Variants in TMEM132C observed in about 807,000 individuals in gnomAD.
The protein encoded by TMEM132C is protein phosphatase 1, regulatory subunit 152.
Under a neutral mutation model 61.4 loss-of-function variants are expected in TMEM132C, and 29 were observed. That is an observed-to-expected ratio of 0.47 (90% CI 0.35 to 0.64). The LOEUF (loss-of-function observed/expected upper bound fraction) is 0.64, where lower values mean the gene tolerates loss of function less well. Ranked by LOEUF, TMEM132C falls within the 30% of genes least tolerant of loss-of-function variation. The probability of loss-of-function intolerance (pLI) is 0.00; values close to 1 mark genes in which losing one functional copy is unlikely to be tolerated. For missense variants in TMEM132C, 1,408 were observed against 1,476.9 expected (o/e 0.95, Z 0.76); for synonymous variants, 656 against 633.1 (o/e 1.04, Z -0.54).
intron 4 of TMEM132C, among the ~76,000 whole-genome samples, chr12:128,668,680 G>A (rs1954501588): frequency 6.6e-6 from 1 of 152,166 alleles, no homozygotes; most frequent in Non-Finnish European, 1.5e-5. Flanking sequence ...AGTCTGAAGT[G>A]AGTCTTAAGG....
At chr12:128,598,040 C>T (rs1351857931) in intron 3 of TMEM132C, among the ~76,000 whole-genome samples, 1 of 152,192 alleles carries the variant, frequency 6.6e-6, no homozygotes, top group Non-Finnish European at 1.5e-5. Context: ...AGCACGTCCT[C>T]CTAACGTGAC....
At chr12:128,703,130 AT>A (rs1409568658) in intron 8 of TMEM132C, among the ~76,000 whole-genome samples, 1 of 151,986 alleles carries the variant, frequency 6.6e-6, no homozygotes, top group African/African-American at 2.4e-5. Context: ...GACTGGACAT[AT>A]TTCTTTTTTT....
chr12:128,413,009 A>G (rs1593044224), intron 1 of TMEM132C, among the ~76,000 whole-genome samples: 1 of 152,258 alleles, frequency 6.6e-6, no homozygotes, highest in South Asian at 2.1e-4. Flanking sequence ...ATTTAAAACC[A>G]ATGTTGAGGC....
At chr12:128,325,054 A>G (rs1003893569) in intron 1 of TMEM132C, among the ~76,000 whole-genome samples, 4 of 152,140 alleles carry the variant, frequency 2.6e-5, no homozygotes, top group African/African-American at 9.7e-5. Context: ...CCTGAGCTAG[A>G]GGGGAGGAGA....
At chr12:128,306,847 T>C (rs572603438) in intron 1 of TMEM132C, among the ~76,000 whole-genome samples, 54 of 152,306 alleles carry the variant, frequency 3.5e-4, no homozygotes, top group African/African-American at 1.2e-3. Context: ...TTTTGTCCTC[T>C]CGTTGGCATG....
intron 1 of TMEM132C, among the ~76,000 whole-genome samples, chr12:128,311,403 T>C (rs1871958665): frequency 6.6e-6 from 1 of 152,198 alleles, no homozygotes; most frequent in South Asian, 2.1e-4. Context: ...CTTTTTCTCG[T>C]TGAGTGTACG....
chr12:128,504,302 C>T (rs1872279771), intron 2 of TMEM132C, among the ~76,000 whole-genome samples: 2 of 152,140 alleles, frequency 1.3e-5, no homozygotes, highest in Non-Finnish European at 2.9e-5. Flanking sequence ...CAAAAGAGTC[C>T]CAGAATCCCA....
At chr12:128,379,548 C>T (rs7979791) in intron 1 of TMEM132C, among the ~76,000 whole-genome samples, 23,081 of 152,158 alleles carry the variant, frequency 0.15, 2,155 homozygotes, top group East Asian at 0.4. Flanking sequence ...TTCCTTGCCT[C>T]TCCCATCTTC....
At chr12:128,641,653 C>A (rs1954158609) in intron 4 of TMEM132C, among the ~76,000 whole-genome samples, 1 of 152,168 alleles carries the variant, frequency 6.6e-6, no homozygotes, top group African/African-American at 2.4e-5. Context: ...CGTGACCCCA[C>A]CAACACCTTG....
rs111432481 is a variant in TMEM132C, at chr12:128,355,312, G to T, written c.86-59420G>T. ...CTCTCTGCAGGGTTCAGCATGCATGGGTTTGTGCCTGAGGAGGGTCCCTCT... is the reference window on the plus strand; with the variant it reads ...CTCTCTGCAGGGTTCAGCATGCATGTGTTTGTGCCTGAGGAGGGTCCCTCT... On this transcript the variant is annotated intron_variant, in intron 1 of 8. Coordinates refer to ENST00000435159, the MANE Select transcript of TMEM132C (RefSeq NM_001136103.3). 2.7e-3 allele frequency among the ~76,000 whole-genome samples: 414 copies of T among 152,234 alleles called. 1 individual carries two copies. The highest frequency in any genetic ancestry group is 9.1e-3 in the African/African-American group (378 of 41,548).
At chr12:128,525,318 T>TTCTC (rs750943698) in intron 2 of TMEM132C, among the ~76,000 whole-genome samples, 109 of 150,140 alleles carry the variant, frequency 7.3e-4, no homozygotes, top group African/African-American at 2.4e-3. Context: ...TCCTTTGCAC[T>TTCTC]TCTCTCTCTC....
intron 2 of TMEM132C, among the ~76,000 whole-genome samples, chr12:128,468,857 A>G (rs371436696): frequency 6.6e-6 from 1 of 152,240 alleles, no homozygotes; most frequent in Non-Finnish European, 1.5e-5. Context: ...ACTACTTAAG[A>G]CAACTTTTAA....
At chr12:128,304,629 GAAAGAAAGAA>G (rs1378214073) in intron 1 of TMEM132C, among the ~76,000 whole-genome samples, 5 of 101,954 alleles carry the variant, frequency 4.9e-5, no homozygotes, top group East Asian at 2.3e-4. Context: ...AAGAAAGAAA[GAAAGAAAGAA>G]AAAAAAGAAA....
In TMEM132C at chr12:128,415,734, G is replaced by A. The variant is rs138498257; in HGVS notation, c.974+114G>A. On this transcript the variant is annotated intron_variant, in intron 2 of 8. Coordinates refer to ENST00000435159, the MANE Select transcript of TMEM132C (RefSeq NM_001136103.3). This position sits in a 1 kb window ranked among gnomAD's most constrained non-coding sequence, Gnocchi z 5.8. ...TCGATTTTCACTACCTTCAGGGACC[G>A]TTTGGCATTAACAGGGGAAGGCAAA... is the stretch of plus-strand genomic sequence containing the variant. 5.5e-5 allele frequency: 70 copies of A among 1,275,920 alleles called. No individual in the cohort carries two copies. Among genetic ancestry groups the A allele is most frequent in the African/African-American group, 4.2e-4 (28 of 66,516 alleles). The allele number at this position is 1,275,920 out of a possible 1,614,324, so 79.0% of individuals were successfully genotyped here.
chr12:128,332,008 T>A (rs187674883), intron 1 of TMEM132C, among the ~76,000 whole-genome samples: 214 of 152,352 alleles, frequency 1.4e-3, no homozygotes, highest in African/African-American at 4.6e-3. Flanking sequence ...AGTTTCAAGC[T>A]CAAGCCCTGA....
intron 1 of TMEM132C, among the ~76,000 whole-genome samples, chr12:128,311,556 A>C (rs1001159287): frequency 2.0e-5 from 3 of 152,200 alleles, no homozygotes; most frequent in Non-Finnish European, 4.4e-5. Context: ...GACAGCACCA[A>C]ATGTTGATCA....
At chr12:128,597,624 C>T (rs144328726) in intron 3 of TMEM132C, among the ~76,000 whole-genome samples, 208 of 152,286 alleles carry the variant, frequency 1.4e-3, no homozygotes, top group African/African-American at 4.7e-3. Context: ...CCTATACTTC[C>T]AGGTAGTATT....
chr12:128,411,211 A>T (rs1338148626), intron 1 of TMEM132C, among the ~76,000 whole-genome samples: 1 of 152,154 alleles, frequency 6.6e-6, no homozygotes, highest in East Asian at 1.9e-4. Flanking sequence ...TGTCCTTTGT[A>T]ATTCAGTGAA....
Position 128,555,388 on chromosome 12 carries a change from C to T in TMEM132C, c.1121+11285C>T, listed in dbSNP as rs149920117. On this transcript the variant is annotated intron_variant, in intron 3 of 8. Transcript: ENST00000435159. ...TAAAGGAAATTGCTCAGACCAACTG[C>T]CTTCTGTAAGAGATATTTGAAGATT... is the stretch of plus-strand genomic sequence containing the variant. Among the ~76,000 whole-genome samples the T allele has an allele frequency of 4.8e-3, 730 of 152,298 alleles. 2 individuals carry two copies. Among genetic ancestry groups the T allele is most frequent in the Middle Eastern group, 0.02 (6 of 294 alleles).
Sources: gnomAD v4.1 joint callset for allele counts (sites outside exome capture counted in the v4.1 genomes callset) on GRCh38, gnomAD v4.1.1 for gene constraint, Gnocchi (gnomAD v3.1) non-coding constraint, MANE v1.5 for transcripts, NCBI Gene and HGNC (gene_info 2026-07-23, HGNC 2026-07-21) for gene names.